The following PRKAR1A variants were observed in gnomAD, a reference collection of about 807,000 sequenced individuals.
PRKAR1A encodes the protein protein kinase cAMP-dependent type I regulatory subunit alpha, also known as cAMP-dependent protein kinase type I-alpha regulatory subunit.
In PRKAR1A, 3 loss-of-function variants were observed where a neutral mutation model predicts 52.0. The ratio of observed to expected loss-of-function variants is 0.06; its 90% confidence interval spans 0.03 to 0.15. The LOEUF (loss-of-function observed/expected upper bound fraction) is 0.15. Among genes scored for constraint, PRKAR1A ranks in the 10% least tolerant of loss-of-function variants. The probability of loss-of-function intolerance (pLI) is 1.00; values close to 1 mark genes in which losing one functional copy is unlikely to be tolerated. For synonymous variants in PRKAR1A, 188 were observed against 168.4 expected (o/e 1.12, Z -0.90); for missense variants, 240 against 477.4 (o/e 0.50, Z 4.63).
chr17:68,519,132 CACCCTCTTCCTGTT>C (rs1173281285), intron 2 of PRKAR1A, among the ~76,000 whole-genome samples: 1 of 152,154 alleles, frequency 6.6e-6, no homozygotes. Context: ...CAGACTGTTC[CACCCTCTTCCTGTT>C]ACCCAGTTCC....
At chr17:68,471,840 G>A in the PRKAR1A span, among the ~76,000 whole-genome samples, 1 of 151,600 alleles carries the variant, frequency 6.6e-6, no homozygotes, top group Non-Finnish European at 1.5e-5. Flanking sequence ...TTGCTTTGTT[G>A]CCCAGGCTGG....
the PRKAR1A span, among the ~76,000 whole-genome samples, chr17:68,481,378 T>C: frequency 6.6e-6 from 1 of 152,214 alleles, no homozygotes; most frequent in Non-Finnish European, 1.5e-5. Flanking sequence ...TACCATAATG[T>C]AAAATCAGTG....
At chr17:68,444,371 C>A in the PRKAR1A span, 2 of 833,006 alleles carry the variant, frequency 2.4e-6, no homozygotes, top group Non-Finnish European at 2.0e-6. Flanking sequence ...TCGAGATAAA[C>A]CTCACTAAGA....
chr17:68,415,848 TG>T, the PRKAR1A span, among the ~76,000 whole-genome samples: 4 of 152,358 alleles, frequency 2.6e-5, no homozygotes, highest in East Asian at 7.7e-4. Flanking sequence ...TGCTTACTTT[TG>T]GTGTTCATTT....
At chr17:68,491,483 G>T in the PRKAR1A span, among the ~76,000 whole-genome samples, 1 of 152,258 alleles carries the variant, frequency 6.6e-6, no homozygotes, top group East Asian at 1.9e-4. Context: ...CAAAGGGGCT[G>T]GACTTCCCTC....
rs74000753 is a variant in PRKAR1A, at chr17:68,543,580, G to A, written c.974-7504G>A. The A allele has an allele frequency of 0.14, 221,298 of 1,544,680 alleles. 16,398 individuals are homozygous for A. Among genetic ancestry groups the A allele is most frequent in the South Asian group, 0.19 (17,253 of 89,646 alleles). On this transcript the variant is annotated intron_variant, in intron 11 of 11. Coordinates refer to the PRKAR1A transcript ENST00000585981. ...AGGGTCTGTCTAGCCACCCCTCCCA[G>A]AGGATTGGTCCTTATAGGCAATGCC... is the stretch of plus-strand genomic sequence containing the variant.
the PRKAR1A span, among the ~76,000 whole-genome samples, chr17:68,486,523 TTCTTTCTTTCTTTC>T: frequency 1.0e-5 from 1 of 100,102 alleles, no homozygotes; most frequent in Non-Finnish European, 2.1e-5. Context: ...CTTTCTTTCT[TTCTTTCTTTCTTTC>T]TTTCTTTCTT....
downstream of PRKAR1A, chr17:68,537,121 T>G (rs1279583439): frequency 2.1e-6 from 1 of 480,240 alleles, no homozygotes; most frequent in Non-Finnish European, 4.1e-6. The surrounding 1 kb of genome is among the most constrained non-coding windows in gnomAD (Gnocchi z 4.2). Context: ...AGAAGTCAGG[T>G]ATCCACTTGA....
intron 2 of PRKAR1A, chr17:68,515,921 A>G (rs1397960627): frequency 8.1e-6 from 2 of 247,226 alleles, no homozygotes; most frequent in Non-Finnish European, 1.6e-5. Context: ...TATAGTTCTT[A>G]AAGGCAGTTA....
rs2085951332 is a variant in PRKAR1A, at chr17:68,530,677, T to TA, written c.*229dup. 4.9e-6 allele frequency: 7 copies of TA among 1,430,136 alleles called. No homozygotes were observed. 88.6% of individuals were successfully genotyped at this position (1,430,136 alleles called of 1,614,324 possible). A position where few individuals can be genotyped will look rare whatever the true frequency, so the allele number is the denominator to read the frequency against. ...AAGAGTTCTATGGAGACTTTGCTGT[T>TA]ACTGCTTCTCTTTGTGCAGTGTTAG... On this transcript the variant is annotated 3_prime_UTR_variant, in exon 11 of 11. Transcript: ENST00000589228.
chr17:68,486,382 CTTTCTCTTTCTT>C, the PRKAR1A span, among the ~76,000 whole-genome samples: 16,354 of 103,170 alleles, frequency 0.16, 959 homozygotes, highest in Middle Eastern at 0.18. Context: ...TTCTTTCTTT[CTTTCTCTTTCTT>C]TCTTTCTTTC....
At chr17:68,440,807 T>C in the PRKAR1A span, 2 of 152,222 alleles carry the variant, frequency 1.3e-5, no homozygotes, top group African/African-American at 2.4e-5. Context: ...ATTTAAAGTA[T>C]TGCATGTCAA....
chr17:68,541,793 C>G, intron 11 of PRKAR1A: 1 of 639,630 alleles, frequency 1.6e-6, no homozygotes, highest in Non-Finnish European at 2.7e-6. Context: ...ATGGAAGGTT[C>G]TTTAGAACTG....
At chr17:68,490,811 ACCCTTGGC>A in the PRKAR1A span, among the ~76,000 whole-genome samples, 2 of 152,104 alleles carry the variant, frequency 1.3e-5, no homozygotes, top group African/African-American at 4.8e-5. Flanking sequence ...CTTATCGTGT[ACCCTTGGC>A]CCCATCTCGT....
At chr17:68,542,590 G>T in intron 11 of PRKAR1A, 1 of 873,736 alleles carries the variant, frequency 1.1e-6, no homozygotes, top group Non-Finnish European at 1.9e-6. Context: ...CCCAGTAATG[G>T]ATAGTGCTAG....
At chr17:68,431,071 T>C in the PRKAR1A span, among the ~76,000 whole-genome samples, 1 of 152,188 alleles carries the variant, frequency 6.6e-6, no homozygotes, top group Non-Finnish European at 1.5e-5. Flanking sequence ...ATCCTTGTAC[T>C]GTCTGTCCCA....
the PRKAR1A span, among the ~76,000 whole-genome samples, chr17:68,447,659 G>A: frequency 1.3e-5 from 2 of 152,102 alleles, no homozygotes; most frequent in Non-Finnish European, 1.5e-5. Flanking sequence ...CTGAAGTGCT[G>A]GGACCACACT....
chr17:68,549,459 A>G lies in PRKAR1A; in HGVS notation c.974-1625A>G, dbSNP rs1600557080. 1.3e-5 allele frequency among the ~76,000 whole-genome samples: 2 copies of G among 150,756 alleles called. 1 individual carries two copies. The highest frequency in any genetic ancestry group is 4.2e-4 in the South Asian group (2 of 4,786). On this transcript the variant is annotated intron_variant, in intron 11 of 11. Transcript: ENST00000585981. ...CAGTGAGCCGAGATAGCGCCACTGC[A>G]CTCCAGCCTGGGCAACAAATGCAAA...
At chr17:68,485,690 C>T in the PRKAR1A span, among the ~76,000 whole-genome samples, 2 of 152,258 alleles carry the variant, frequency 1.3e-5, no homozygotes, top group South Asian at 4.1e-4. Flanking sequence ...TACAGTTTTT[C>T]ATCTAAAACT....
Sources: allele counts gnomAD v4.1 joint callset (sites outside exome capture counted in the v4.1 genomes callset), GRCh38; gene constraint gnomAD v4.1.1; non-coding constraint Gnocchi (gnomAD v3.1); transcripts MANE v1.5; gene names NCBI Gene and HGNC (gene_info 2026-07-23, HGNC 2026-07-21).